PAK3: variants seen among roughly 807,000 people sequenced by gnomAD.
PAK3 encodes serine/threonine-protein kinase PAK 3.
A neutral mutation model predicts 41.0 loss-of-function variants in PAK3; 4 were observed. The ratio of observed to expected loss-of-function variants is 0.10; its 90% CI spans 0.05 to 0.22. The LOEUF (loss-of-function observed/expected upper bound fraction) is 0.22. PAK3 is among the 10% of genes least tolerant of loss of function. The pLI, the probability that PAK3 is intolerant of heterozygous loss-of-function variation, is 1.00. For synonymous variants in PAK3, 146 were observed against 139.6 expected, an observed-to-expected ratio of 1.05 and a Z score of -0.32; for missense variants, 205 against 409.9, an observed-to-expected ratio of 0.50 and a Z score of 4.32.
chrX:111,162,942 T>C lies in PAK3; in HGVS notation c.496T>C (p.Leu166=), dbSNP rs140498418. 25 of 1,205,151 alleles carry C rather than the reference T, an allele frequency of 2.1e-5. No homozygotes were observed. In the African/African-American group the frequency reaches 4.2e-4, roughly 20 times the overall value. Residue 166 remains leucine, a synonymous_variant, in exon 9 of 18, where the codon TTG becomes CTG. Coordinates refer to ENST00000372007, the MANE Select transcript of PAK3 (RefSeq NM_002578.5). ...TACAAAAACAGCATCTGAGCCTCCA[T>C]TGGCCCCTCCTGTGTCTGAAGAAGA... ...SSTKTASEPP[L]APPVSEEEDE...
chrX:110,965,846 G>A (rs1041080702), intron 1 of PAK3, among the ~76,000 whole-genome samples: 2 of 112,097 alleles, frequency 1.8e-5, no homozygotes, highest in African/African-American at 6.5e-5. Context: ...AGAGGGACTT[G>A]TATTATCCCC....
At chrX:111,028,027 G>GTGTATATATATATATATATATA (rs57456281) in intron 1 of PAK3, among the ~76,000 whole-genome samples, 1 of 97,885 alleles carries the variant, frequency 1.0e-5, no homozygotes, top group Non-Finnish European at 2.0e-5. Context: ...ACATATATAT[G>GTGTATATATATATATATATATA]TGTGTATATA....
intron 1 of PAK3, among the ~76,000 whole-genome samples, chrX:111,065,728 G>T (rs887198112): frequency 1.8e-5 from 2 of 111,337 alleles, no homozygotes; most frequent in African/African-American, 6.5e-5. Context: ...TGCTAATTAT[G>T]TTTCTGAACT....
At chrX:111,040,613 G>T (rs1469182586) in intron 1 of PAK3, among the ~76,000 whole-genome samples, 3 of 111,760 alleles carry the variant, frequency 2.7e-5, no homozygotes, top group African/African-American at 9.8e-5. Flanking sequence ...GCCTCTTGAG[G>T]CTCATAGGAC....
intron 5 of PAK3, among the ~76,000 whole-genome samples, chrX:111,126,333 C>A (rs776516828): frequency 5.3e-4 from 59 of 111,316 alleles, no homozygotes; most frequent in South Asian, 7.6e-4. Context: ...TACTTGAGAC[C>A]TCATTTTTGC....
intron 1 of PAK3, among the ~76,000 whole-genome samples, chrX:111,083,137 A>T (rs1041741856): frequency 8.9e-6 from 1 of 112,474 alleles, no homozygotes; most frequent in African/African-American, 3.2e-5. Context: ...AGTTTATTCC[A>T]CCCTAGGTCT....
chrX:111,030,659 T>G (rs2092329568), intron 1 of PAK3, among the ~76,000 whole-genome samples: 1 of 110,842 alleles, frequency 9.0e-6, no homozygotes, highest in Non-Finnish European at 1.9e-5. Context: ...TGGAGCTAGA[T>G]GGAAGGATGG....
In PAK3 at chrX:111,225,899, G is replaced by C. The variant is rs938463113; in HGVS notation, c.*5452G>C. On this transcript the variant is annotated 3_prime_UTR_variant, in exon 18 of 18. Coordinates refer to ENST00000372007, the MANE Select transcript of PAK3 (RefSeq NM_002578.5). Reference sequence around the variant, plus strand: ...TTTTTAAAATTCAAGCAAATGGGCCGGGTGCGGTGGCTCATACCTGTAATC... The same window carrying C: ...TTTTTAAAATTCAAGCAAATGGGCCCGGTGCGGTGGCTCATACCTGTAATC... The C allele has an allele frequency of 2.7e-5, 3 of 111,588 alleles. No homozygotes were observed. Among genetic ancestry groups the C allele is most frequent in the African/African-American group, 9.8e-5 (3 of 30,680 alleles). The allele number at this position is 111,588 out of a possible 1,213,427, so 9.2% of individuals were successfully genotyped here. A position where few individuals can be genotyped will look rare whatever the true frequency, so the allele number is the denominator to read the frequency against.
chrX:111,089,682 G>T (rs192024292), intron 1 of PAK3, among the ~76,000 whole-genome samples: 25 of 111,254 alleles, frequency 2.2e-4, no homozygotes, highest in African/African-American at 8.2e-4. Flanking sequence ...CAAGGAAACA[G>T]AGGAAGTTTG....
At chrX:111,068,189 C>T (rs2092714931) in intron 1 of PAK3, among the ~76,000 whole-genome samples, 1 of 111,614 alleles carries the variant, frequency 9.0e-6, no homozygotes, top group Non-Finnish European at 1.9e-5. Context: ...GAAGGTTTGA[C>T]TCTTAAAAAC....
intron 4 of PAK3, among the ~76,000 whole-genome samples, chrX:111,116,591 A>G (rs1486887989): frequency 8.9e-6 from 1 of 112,207 alleles, no homozygotes; most frequent in African/African-American, 3.2e-5. Flanking sequence ...GCTGGATTAT[A>G]CCTATTGACT....
chrX:111,025,334 A>C (rs1303225336), intron 1 of PAK3, among the ~76,000 whole-genome samples: 1 of 111,601 alleles, frequency 9.0e-6, no homozygotes, highest in African/African-American at 3.2e-5. Flanking sequence ...AAAATACAAA[A>C]GATAAATGAA....
In PAK3 at chrX:111,227,220, T is replaced by C. The variant is rs765873556; in HGVS notation, c.*6773T>C. 2 of 112,664 alleles carry C rather than the reference T, an allele frequency of 1.8e-5. No individual in the cohort carries two copies. Among genetic ancestry groups the C allele is most frequent in the South Asian group, 7.3e-4 (2 of 2,728 alleles). The allele number at this position is 112,664 out of a possible 1,213,427, so 9.3% of individuals were successfully genotyped here. A position where few individuals can be genotyped will look rare whatever the true frequency, so the allele number is the denominator to read the frequency against. ...CCAATCTTTTTAAGGATTTTTGTTTTCAATATTGTTATTTTAAATTGTGGT... is the reference window on the plus strand; with the variant it reads ...CCAATCTTTTTAAGGATTTTTGTTTCCAATATTGTTATTTTAAATTGTGGT... On this transcript the variant is annotated 3_prime_UTR_variant, in exon 18 of 18. Coordinates refer to ENST00000372007, the MANE Select transcript of PAK3 (RefSeq NM_002578.5).
intron 11 of PAK3, among the ~76,000 whole-genome samples, chrX:111,176,294 A>C (rs906272191): frequency 9.1e-6 from 1 of 109,983 alleles, no homozygotes. Flanking sequence ...CAATGAGAAC[A>C]TATGGACATG....
intron 4 of PAK3, among the ~76,000 whole-genome samples, chrX:111,120,140 T>C (rs1603263583): frequency 8.9e-6 from 1 of 112,271 alleles, no homozygotes; most frequent in Non-Finnish European, 1.9e-5. Context: ...CCTCTTATGA[T>C]GCCTTGATTA....
intron 1 of PAK3, among the ~76,000 whole-genome samples, chrX:110,969,677 A>G (rs953529013): frequency 9.0e-6 from 1 of 110,745 alleles, no homozygotes; most frequent in African/African-American, 3.3e-5. Context: ...TGAGTTGTCT[A>G]TTGTGTTCCA....
At chrX:111,135,495 C>A (rs747604584) in intron 5 of PAK3, among the ~76,000 whole-genome samples, 8 of 110,613 alleles carry the variant, frequency 7.2e-5, no homozygotes, top group African/African-American at 1.6e-4. Context: ...GGATTGAAAT[C>A]ATGCATGTGG....
intron 4 of PAK3, among the ~76,000 whole-genome samples, chrX:111,104,333 A>C (rs74335926): frequency 1.8e-5 from 2 of 110,671 alleles, no homozygotes; most frequent in African/African-American, 6.6e-5. Flanking sequence ...AAAAAAAAAA[A>C]CAGAAAAACT....
chrX:111,066,795 C>T lies in PAK3; in HGVS notation c.-27-56282C>T, dbSNP rs185408154. The stretch of plus-strand genomic sequence containing the variant: ...AGCATATAGTCCGTATTGTGTCATT[C>T]AATTCTCTTAACAACTCTGTGAGAT... On this transcript the variant is annotated intron_variant, in intron 1 of 14. Transcript: ENST00000425146. 9.8e-5 allele frequency among the ~76,000 whole-genome samples: 11 copies of T among 112,278 alleles called. No homozygotes were observed. In the East Asian group the frequency reaches 2.2e-3, roughly 23 times the overall value.
Sources: gnomAD v4.1 joint callset for allele counts (sites outside exome capture counted in the v4.1 genomes callset) on GRCh38, gnomAD v4.1.1 for gene constraint, MANE v1.5 for transcripts, NCBI Gene and HGNC (gene_info 2026-07-23, HGNC 2026-07-21) for gene names.